The following ARHGAP18 variants were observed in gnomAD, a reference collection of about 807,000 sequenced individuals.
The protein encoded by ARHGAP18 is rho GTPase-activating protein 18.
A neutral mutation model predicts 86.2 loss-of-function variants in ARHGAP18; 67 were observed. The ratio of observed to expected loss-of-function variants is 0.78; its 90% confidence interval spans 0.64 to 0.95. The LOEUF (loss-of-function observed/expected upper bound fraction) is 0.95. Among genes scored for constraint, ARHGAP18 ranks in the 40% least tolerant of loss-of-function variants. The pLI, the probability that ARHGAP18 is intolerant of heterozygous loss-of-function variation, is 0.00. For synonymous variants in ARHGAP18, 283 were observed against 280.4 expected (o/e 1.01, Z -0.09); for missense variants, 691 against 780.4 (o/e 0.89, Z 1.37).
chr6:129,689,923 A>C (rs1584116088), intron 1 of ARHGAP18, among the ~76,000 whole-genome samples: 1 of 152,200 alleles, frequency 6.6e-6, no homozygotes, highest in Non-Finnish European at 1.5e-5. Flanking sequence ...CAAAACTACA[A>C]AGAGGTTTGG....
rs140463215 is a variant in ARHGAP18 at position 129,641,322 on chromosome 6, T to C, written c.316+494A>G. On this transcript the variant is annotated intron_variant, in intron 2 of 14. Transcript: ENST00000368149. ...ATGTAAAAATAGAAGAGCCTTCTTC[T>C]GTTCGTCCCAAAGGCATAACTACAG... Among the ~76,000 whole-genome samples, 728 of 152,332 alleles carry C rather than the reference T, an allele frequency of 4.8e-3. 7 individuals carry two copies. Among genetic ancestry groups the C allele is most frequent in the African/African-American group, 0.016 (678 of 41,568 alleles).
At position 129,638,543 on chromosome 6, in the gene ARHGAP18, C is replaced by A; in HGVS notation, c.403G>T (p.Val135Leu). ...GTCCGCGTCAATGTTGATAAAAACA[C>A]AATGCTTTCCTGTGGATCTCCAGCA... The part of the protein sequence containing the change: ...ESAGDPQESI[V>L]FLSTLTRTQA... Residue 135 changes from valine (V) to leucine (L), a missense_variant, in exon 3 of 15, where the codon GTG becomes TTG. Val to Leu is a conservative substitution (Grantham distance 32). Coordinates refer to ENST00000368149, the MANE Select transcript of ARHGAP18 (RefSeq NM_033515.3). 1.2e-6 allele frequency: 2 copies of A among 1,614,142 alleles called. No individual in the cohort carries two copies.
At chr6:129,629,302 T>C in intron 5 of ARHGAP18, 51 bp downstream of exon 5, 7 of 1,382,272 alleles carry the variant, frequency 5.1e-6, no homozygotes, top group African/African-American at 1.4e-5. Flanking sequence ...TGTGTGTGTA[T>C]ATATATGTAT....
chr6:129,680,374 G>A lies in ARHGAP18; in HGVS notation c.113+29650C>T, dbSNP rs954627946. On this transcript the variant is annotated intron_variant, in intron 1 of 14. Transcript: ENST00000368149. ...CAAAAGCAAGGTTCTCTACTCCTAA[G>A]TTATTTAAGGCGTTTAAGGTGAGAA... Among the ~76,000 whole-genome samples the A allele has an allele frequency of 3.3e-5, 5 of 152,222 alleles. No individual in the cohort carries two copies. The East Asian group carries it at 9.6e-4, about 29-fold the overall frequency.
intron 12 of ARHGAP18, 78 bp downstream of exon 12, chr6:129,599,138 A>G: frequency 1.6e-6 from 2 of 1,231,292 alleles, no homozygotes; most frequent in Non-Finnish European, 2.1e-6. Context: ...TCATACTATG[A>G]AAACATTAAA....
chr6:129,625,002 A>T lies in ARHGAP18; in HGVS notation c.786+4351T>A, dbSNP rs1254912776. On this transcript the variant is annotated intron_variant, in intron 5 of 14. Transcript: ENST00000368149. The stretch of plus-strand genomic sequence containing the variant: ...ATATAATATATATTATATATGATAT[A>T]TATTTATATAATATATATGATATAT... 2.7e-4 allele frequency among the ~76,000 whole-genome samples: 27 copies of T among 101,076 alleles called. 1 individual carries two copies. The highest frequency in any genetic ancestry group is 9.2e-4 in the African/African-American group (26 of 28,214). 66.3% of individuals were successfully genotyped at this position (101,076 alleles called of 152,430 possible). A position where few individuals can be genotyped will look rare whatever the true frequency, so the allele number is the denominator to read the frequency against.
At chr6:129,649,477 C>T (rs1773656112) in intron 1 of ARHGAP18, among the ~76,000 whole-genome samples, 1 of 147,060 alleles carries the variant, frequency 6.8e-6, no homozygotes, top group Admixed American at 7.0e-5. Flanking sequence ...TTGCTGGAAC[C>T]CGGGAGGCAG....
chr6:129,629,253 A>G, intron 5 of ARHGAP18, 100 bp downstream of exon 5: 1 of 936,562 alleles, frequency 1.1e-6, no homozygotes. Flanking sequence ...CTCTCTATAT[A>G]TATATATATG....
chr6:129,625,050 ATGAT>A (rs1395364743), intron 5 of ARHGAP18, among the ~76,000 whole-genome samples: 1 of 79,294 alleles, frequency 1.3e-5, no homozygotes, highest in Non-Finnish European at 2.4e-5. Context: ...TATAATATAT[ATGAT>A]TGATATATAT....
In ARHGAP18 at chr6:129,628,976, G is replaced by A. The variant is rs549970928; in HGVS notation, c.786+377C>T. On this transcript the variant is annotated intron_variant, in intron 5 of 14. Coordinates refer to ENST00000368149, the MANE Select transcript of ARHGAP18 (RefSeq NM_033515.3). ...AGATAGATATAGAAAAGAAAAAGAG[G>A]TTATAAAATATTAATAACTGTTGAA... Among the ~76,000 whole-genome samples, 30 of 152,118 alleles carry A rather than the reference G, an allele frequency of 2.0e-4. No homozygotes were observed. In the East Asian group the frequency reaches 5.6e-3, roughly 28 times the overall value.
chr6:129,686,188 A>G (rs1774421046), intron 1 of ARHGAP18, among the ~76,000 whole-genome samples: 1 of 152,160 alleles, frequency 6.6e-6, no homozygotes, highest in African/African-American at 2.4e-5. Context: ...TTTTCCCAGC[A>G]GGGCCGTTCA....
intron 1 of ARHGAP18, among the ~76,000 whole-genome samples, chr6:129,672,195 G>C (rs1048023775): frequency 2.0e-5 from 3 of 152,094 alleles, no homozygotes; most frequent in African/African-American, 7.2e-5. Context: ...AACCGTCTGT[G>C]TCCCTCTGAC....
intron 3 of ARHGAP18, among the ~76,000 whole-genome samples, chr6:129,636,339 A>G (rs1376043827): frequency 1.3e-5 from 2 of 152,232 alleles, no homozygotes; most frequent in African/African-American, 4.8e-5. Flanking sequence ...ATGTCTACAA[A>G]AAGCAAAAGA....
Position 129,710,137 on chromosome 6 carries a change from G to A in ARHGAP18, c.-1C>T, listed in dbSNP as rs770245203. On this transcript the variant is annotated 5_prime_UTR_variant, in exon 1 of 15. Transcript: ENST00000368149. The stretch of plus-strand genomic sequence containing the variant: ...CCTGGGAACTGGAGAGCCAGCTCAT[G>A]GTGAGAGAAGGGACATACTTTCTGC... 25 of 1,609,772 alleles carry A rather than the reference G, an allele frequency of 1.6e-5. No homozygotes were observed. In the South Asian group the frequency reaches 2.7e-4, roughly 18 times the overall value.
At chr6:129,592,435 T>C (rs533465371) in intron 12 of ARHGAP18, among the ~76,000 whole-genome samples, 2 of 152,348 alleles carry the variant, frequency 1.3e-5, no homozygotes, top group Non-Finnish European at 2.9e-5. Context: ...TTCACATCCA[T>C]AGCCCTACAC....
Position 129,618,847 on chromosome 6 carries a change from G to A in ARHGAP18, c.792C>T (p.Phe264=). ...SKGDDATLPS[F]RLPKDKTGTT... ...TACCCGTTTTGTCTTTTGGCAATCTGAAACTCTAAAATAAACATCATTAAT... is the reference window on the plus strand; with the variant it reads ...TACCCGTTTTGTCTTTTGGCAATCTAAAACTCTAAAATAAACATCATTAAT... The change falls in exon 6 of 15, where the codon TTC becomes TTT. Residue 264 remains phenylalanine, a synonymous_variant. Transcript: ENST00000368149. The A allele has an allele frequency of 2.5e-6, 4 of 1,611,436 alleles. No individual in the cohort carries two copies. Among genetic ancestry groups the A allele is most frequent in the Non-Finnish European group, 3.4e-6 (4 of 1,179,278 alleles).
At chr6:129,644,117 G>A (rs990380519) in intron 1 of ARHGAP18, among the ~76,000 whole-genome samples, 1 of 152,138 alleles carries the variant, frequency 6.6e-6, no homozygotes, top group Non-Finnish European at 1.5e-5. Flanking sequence ...ATTAGGACAG[G>A]GGCCAACAAG....
intron 1 of ARHGAP18, among the ~76,000 whole-genome samples, chr6:129,668,173 A>G (rs1370353144): frequency 6.6e-6 from 1 of 152,180 alleles, no homozygotes; most frequent in Admixed American, 6.5e-5. Flanking sequence ...AATTTCCCTC[A>G]TTCAAATAGT....
At chr6:129,588,813 C>T (rs950977006) in intron 12 of ARHGAP18, among the ~76,000 whole-genome samples, 1 of 152,266 alleles carries the variant, frequency 6.6e-6, no homozygotes, top group South Asian at 2.1e-4. Flanking sequence ...TATACATCCT[C>T]TAAAATCTAG....
Sources: allele counts gnomAD v4.1 joint callset (sites outside exome capture counted in the v4.1 genomes callset), GRCh38; gene constraint gnomAD v4.1.1; transcripts MANE v1.5; gene names NCBI Gene and HGNC (gene_info 2026-07-23, HGNC 2026-07-21).